DNTT: variants seen among roughly 807,000 people sequenced by gnomAD.
The protein encoded by DNTT is DNA nucleotidylexotransferase.
A neutral mutation model predicts 60.9 loss-of-function variants in DNTT; 47 were observed. The observed-to-expected ratio is 0.77, with a 90% CI of 0.61 to 0.98. DNTT has a LOEUF of 0.98. Among genes scored for constraint, DNTT ranks in the 50% least tolerant of loss-of-function variants. The probability of loss-of-function intolerance (pLI) is 0.00; values close to 1 mark genes in which losing one functional copy is unlikely to be tolerated. For synonymous variants in DNTT, 224 were observed against 221.2 expected, an observed-to-expected ratio of 1.01 and a Z score of -0.11; for missense variants, 665 against 627.5, an observed-to-expected ratio of 1.06 and a Z score of -0.64.
rs761528174 is a variant in DNTT at position 96,327,597 on chromosome 10, G to A, written c.1004G>A (p.Arg335Gln). The stretch of plus-strand genomic sequence containing the variant: ...TTCGTCACCATGACAGGAGGGTTCC[G>A]GAGGTAAATAACTTGGGTGGCTTTG... ...DAFVTMTGGFRRGKKMGHDVD... is the reference protein window; with the variant it reads ...DAFVTMTGGFQRGKKMGHDVD... Residue 335 changes from arginine (R) to glutamine (Q), a missense_variant, in exon 7 of 11, where the codon CGG (arginine) becomes CAG (glutamine). Coordinates refer to ENST00000371174, the MANE Select transcript of DNTT (RefSeq NM_004088.4). 15 of 1,612,392 alleles carry A rather than the reference G, an allele frequency of 9.3e-6. No individual in the cohort carries two copies. The highest frequency in any genetic ancestry group is 1.8e-4 in the Middle Eastern group (1 of 5,666).
intron 1 of DNTT, among the ~76,000 whole-genome samples, chr10:96,315,610 CAGG>C (rs146803964): frequency 0.015 from 2,246 of 152,002 alleles, 51 homozygotes; most frequent in African/African-American, 0.051. Context: ...CAGAGAATCC[CAGG>C]AGAAGAGGCA....
chr10:96,338,003 C>T, intron 10 of DNTT, 135 bp from the exon 11 acceptor site: 1 of 659,814 alleles, frequency 1.5e-6, no homozygotes. Flanking sequence ...ACTTTTTATA[C>T]TCAGAAGCAG....
rs1564870098 is a variant in DNTT, at chr10:96,314,401, C to CTTTTTTTTTT, written c.204-3951_204-3950insTTTTTTTTTT. Among the ~76,000 whole-genome samples the CTTTTTTTTTT allele has an allele frequency of 7.8e-4, 31 of 39,834 alleles. No homozygotes were observed. In the East Asian group the frequency reaches 9.3e-3, roughly 12 times the overall value. The allele number at this position is 39,834 out of a possible 152,430, so 26.1% of individuals were successfully genotyped here. Reference sequence around the variant, plus strand: ...TTAACATTTCCAAGGCTATCTCTTCCCTTTTTTTTTTTTTTTTTTTTTTTT... The same window carrying CTTTTTTTTTT: ...TTAACATTTCCAAGGCTATCTCTTCCTTTTTTTTTTCTTTTTTTTTTTTTTTTTTTTTTTT... On this transcript the variant is annotated intron_variant, in intron 1 of 10. Transcript: ENST00000371174.
At chr10:96,336,098 C>T (rs1845065976) in intron 10 of DNTT, 124 bp downstream of exon 10, 2 of 940,760 alleles carry the variant, frequency 2.1e-6, no homozygotes, top group South Asian at 1.4e-5. Context: ...GTTCTATTTC[C>T]AGTTCATCAT....
intron 1 of DNTT, among the ~76,000 whole-genome samples, chr10:96,315,857 C>T (rs978792954): frequency 6.6e-6 from 1 of 151,870 alleles, no homozygotes; most frequent in African/African-American, 2.4e-5. Context: ...CCAAAGAATC[C>T]TTCAGGAATT....
At chr10:96,336,035 C>T in intron 10 of DNTT, 61 bp downstream of exon 10, 2 of 1,545,706 alleles carry the variant, frequency 1.3e-6, no homozygotes, top group Non-Finnish European at 1.8e-6. Context: ...GGCCCCCGAG[C>T]TTTTTTCATG....
At chr10:96,319,108 G>A (rs1844829846) in intron 2 of DNTT, among the ~76,000 whole-genome samples, 154 bp from the exon 3 acceptor site, 1 of 151,884 alleles carries the variant, frequency 6.6e-6, no homozygotes, top group African/African-American at 2.4e-5. Context: ...GTTGATAATA[G>A]CAAGTTCAAA....
intron 10 of DNTT, among the ~76,000 whole-genome samples, chr10:96,336,738 G>A (rs1487519224): frequency 1.3e-5 from 2 of 152,030 alleles, no homozygotes; most frequent in Admixed American, 6.6e-5. Context: ...CTTGAGGTCA[G>A]GAGTTCAAGA....
chr10:96,319,396 G>A lies in DNTT; in HGVS notation c.507+6G>A, dbSNP rs761846768. On this transcript the variant is annotated splice_donor_region_variant and intron_variant, in intron 3 of 10. Coordinates refer to ENST00000371174, the MANE Select transcript of DNTT (RefSeq NM_004088.4). ...ACTGTAACCAGATATTCACGGTAAC[G>A]GGACTTTACATCAACACCCAGGGCA... 11 of 1,613,076 alleles carry A rather than the reference G, an allele frequency of 6.8e-6. No individual in the cohort carries two copies. Among genetic ancestry groups the A allele is most frequent in the East Asian group, 2.2e-5 (1 of 44,870 alleles).
intron 1 of DNTT, among the ~76,000 whole-genome samples, chr10:96,316,642 C>A (rs1564870704): frequency 6.6e-6 from 1 of 152,194 alleles, no homozygotes; most frequent in Non-Finnish European, 1.5e-5. Flanking sequence ...GCCCCTGACC[C>A]TTTTCTTCCA....
In DNTT at chr10:96,319,410, A is replaced by C. The variant is rs765065768; in HGVS notation, c.507+20A>C. 5.0e-6 allele frequency: 8 copies of C among 1,612,962 alleles called. No individual in the cohort carries two copies. Among genetic ancestry groups the C allele is most frequent in the Non-Finnish European group, 6.8e-6 (8 of 1,179,206 alleles). ...TTCACGGTAACGGGACTTTACATCA[A>C]CACCCAGGGCAAACGAAGGGCTTGC... is the stretch of plus-strand genomic sequence containing the variant. On this transcript the variant is annotated intron_variant, in intron 3 of 10. Coordinates refer to ENST00000371174, the MANE Select transcript of DNTT (RefSeq NM_004088.4).
intron 6 of DNTT, among the ~76,000 whole-genome samples, 162 bp downstream of exon 6, chr10:96,324,551 T>G (rs1844918674): frequency 6.6e-6 from 1 of 152,222 alleles, no homozygotes; most frequent in Non-Finnish European, 1.5e-5. Flanking sequence ...TTTCCAGCTG[T>G]GTGATCTTGA....
chr10:96,309,097 C>A, intron 1 of DNTT, among the ~76,000 whole-genome samples: 1 of 152,286 alleles, frequency 6.6e-6, no homozygotes, highest in East Asian at 1.9e-4. Flanking sequence ...GGAAGGTTGG[C>A]TCTCCACCTT....
chr10:96,327,605 A>G lies in DNTT; in HGVS notation c.1007+5A>G, dbSNP rs765820417. The G allele has an allele frequency of 1.9e-6, 3 of 1,611,304 alleles. No homozygotes were observed. The highest frequency in any genetic ancestry group is 2.5e-6 in the Non-Finnish European group (3 of 1,178,846). ...CATGACAGGAGGGTTCCGGAGGTAA[A>G]TAACTTGGGTGGCTTTGCCTCCTCT... On this transcript the variant is annotated splice_donor_5th_base_variant and intron_variant, in intron 7 of 10. Coordinates refer to ENST00000371174, the MANE Select transcript of DNTT (RefSeq NM_004088.4).
chr10:96,324,724 C>A (rs567453425), intron 6 of DNTT, among the ~76,000 whole-genome samples: 1 of 152,316 alleles, frequency 6.6e-6, no homozygotes, highest in South Asian at 2.1e-4. Context: ...TGGTCCTTCA[C>A]CCAAATGTCA....
In DNTT at chr10:96,317,199, GA is replaced by G. The variant is rs138337020; in HGVS notation, c.204-1147del. On this transcript the variant is annotated intron_variant, in intron 1 of 10. Coordinates refer to ENST00000371174, the MANE Select transcript of DNTT (RefSeq NM_004088.4). ...AACTAGAAATAACATATCTGGCCCA[GA>G]AAAAACAATAAAAGAAAGATGAGTA... Among the ~76,000 whole-genome samples the G allele has an allele frequency of 7.7e-3, 1,177 of 152,222 alleles. 12 individuals carry two copies. The highest frequency in any genetic ancestry group is 0.027 in the African/African-American group (1,139 of 41,530).
At chr10:96,309,513 T>G (rs1436299129) in intron 1 of DNTT, among the ~76,000 whole-genome samples, 1 of 152,172 alleles carries the variant, frequency 6.6e-6, no homozygotes, top group Non-Finnish European at 1.5e-5. Context: ...TTACTTTTAG[T>G]CTTCTAGTAT....
intron 8 of DNTT, among the ~76,000 whole-genome samples, chr10:96,330,491 C>T (rs1377004317): frequency 1.3e-5 from 2 of 152,076 alleles, no homozygotes; most frequent in African/African-American, 4.8e-5. Context: ...TTGTATTTTC[C>T]GGAGCTGGTG....
intron 7 of DNTT, among the ~76,000 whole-genome samples, chr10:96,328,422 C>T (rs1844963775): frequency 6.6e-6 from 1 of 152,102 alleles, no homozygotes; most frequent in African/African-American, 2.4e-5. Flanking sequence ...TCATGCTTGT[C>T]TCCATGTGTG....
Sources: gnomAD v4.1 joint callset for allele counts (sites outside exome capture counted in the v4.1 genomes callset) on GRCh38, gnomAD v4.1.1 for gene constraint, MANE v1.5 for transcripts, NCBI Gene and HGNC (gene_info 2026-07-23, HGNC 2026-07-21) for gene names.